Variants in ASCC3 observed in about 807,000 individuals in gnomAD.
ASCC3 encodes the protein activating signal cointegrator 1 complex subunit 3, also known as ASC-1 complex subunit P200.
A neutral mutation model predicts 256.3 loss-of-function variants in ASCC3; 158 were observed. The observed-to-expected ratio is 0.62, with a 90% CI of 0.54 to 0.70. ASCC3 has a LOEUF of 0.70. Ranked by LOEUF, ASCC3 falls within the 30% of genes least tolerant of loss-of-function variation. The pLI, the probability that ASCC3 is intolerant of heterozygous loss-of-function variation, is 0.00. For synonymous variants in ASCC3, 948 were observed against 883.4 expected, an observed-to-expected ratio of 1.07 and a Z score of -1.30; for missense variants, 2,259 against 2,626.0, an observed-to-expected ratio of 0.86 and a Z score of 3.05.
intron 13 of ASCC3, among the ~76,000 whole-genome samples, chr6:100,680,911 C>T (rs239189): frequency 0.56 from 85,599 of 151,928 alleles, 24,331 homozygotes; most frequent in East Asian, 0.73. Flanking sequence ...GTCAGGGAAT[C>T]GATAGGCTCA....
At chr6:100,710,509 A>G (rs1778809969) in intron 13 of ASCC3, among the ~76,000 whole-genome samples, 1 of 152,164 alleles carries the variant, frequency 6.6e-6, no homozygotes, top group Admixed American at 6.5e-5. Context: ...TTCATTTTGA[A>G]AAGTAAGGCA....
intron 13 of ASCC3, among the ~76,000 whole-genome samples, chr6:100,701,778 G>T (rs1247575206): frequency 1.3e-5 from 2 of 152,090 alleles, no homozygotes; most frequent in Non-Finnish European, 2.9e-5. Context: ...AAAAAAAAGG[G>T]TTTCTCTGAG....
chr6:100,638,438 A>G (rs1174256960), intron 25 of ASCC3, among the ~76,000 whole-genome samples, 163 bp downstream of exon 25: 1 of 152,222 alleles, frequency 6.6e-6, no homozygotes, highest in Non-Finnish European at 1.5e-5. Flanking sequence ...AACCAAACTC[A>G]TGATATCTTC....
intron 34 of ASCC3, among the ~76,000 whole-genome samples, chr6:100,593,137 G>T (rs528992298): frequency 6.6e-6 from 1 of 152,086 alleles, no homozygotes; most frequent in South Asian, 2.1e-4. Context: ...AACAGGTGCT[G>T]AGTTGTTTAA....
intron 13 of ASCC3, among the ~76,000 whole-genome samples, chr6:100,690,274 T>C (rs1287694803): frequency 6.6e-6 from 1 of 152,158 alleles, no homozygotes; most frequent in East Asian, 1.9e-4. Flanking sequence ...AAAAAAAGTC[T>C]ACGTGTCCAG....
intron 40 of ASCC3, 97 bp downstream of exon 40, chr6:100,512,612 G>T: frequency 7.9e-7 from 1 of 1,269,970 alleles, no homozygotes; most frequent in Non-Finnish European, 1.2e-6. Context: ...CAGGATTCAT[G>T]AATGACACGG....
At chr6:100,785,782 C>T (rs1426348670) in intron 8 of ASCC3, among the ~76,000 whole-genome samples, 1 of 152,038 alleles carries the variant, frequency 6.6e-6, no homozygotes, top group Non-Finnish European at 1.5e-5. Context: ...ACTTCTCATA[C>T]AGAAAAGTCT....
intron 30 of ASCC3, among the ~76,000 whole-genome samples, chr6:100,624,557 T>C (rs1271330931): frequency 6.6e-6 from 1 of 151,998 alleles, no homozygotes; most frequent in Non-Finnish European, 1.5e-5. Flanking sequence ...AGTACAGTTC[T>C]TTTGGAAAGT....
intron 13 of ASCC3, among the ~76,000 whole-genome samples, chr6:100,689,983 T>G (rs1777766627): frequency 1.3e-5 from 2 of 152,078 alleles, no homozygotes; most frequent in Non-Finnish European, 1.5e-5. Flanking sequence ...ATTCTGGACT[T>G]TAAGGTCAAA....
At chr6:100,840,418 C>CCCAGGCT (rs1772083335) in intron 4 of ASCC3, among the ~76,000 whole-genome samples, 1 of 151,578 alleles carries the variant, frequency 6.6e-6, no homozygotes, top group South Asian at 2.1e-4. Context: ...GCCTCAACCT[C>CCCAGGCT]CCAGGCTCAA....
intron 10 of ASCC3, among the ~76,000 whole-genome samples, chr6:100,754,772 TA>T (rs1781096746): frequency 6.6e-6 from 1 of 152,134 alleles, no homozygotes; most frequent in African/African-American, 2.4e-5. Context: ...AATCCCCATG[TA>T]TTGTGTGAGG....
intron 36 of ASCC3, among the ~76,000 whole-genome samples, chr6:100,548,748 G>A (rs541247666): frequency 1.3e-5 from 2 of 151,996 alleles, no homozygotes; most frequent in South Asian, 4.2e-4. Flanking sequence ...AGGATGAGCA[G>A]ATATTAACTA....
intron 37 of ASCC3, among the ~76,000 whole-genome samples, chr6:100,535,341 A>C (rs911052798): frequency 4.6e-5 from 7 of 151,632 alleles, no homozygotes; most frequent in African/African-American, 1.5e-4. Flanking sequence ...CCAATCAGTC[A>C]TTTTCTCCAA....
chr6:100,690,451 A>G (rs1411596840), intron 13 of ASCC3, among the ~76,000 whole-genome samples: 1 of 152,150 alleles, frequency 6.6e-6, no homozygotes, highest in Non-Finnish European at 1.5e-5. Flanking sequence ...ACACTACTAC[A>G]TTTGGATTAC....
intron 8 of ASCC3, among the ~76,000 whole-genome samples, chr6:100,781,550 A>ATTTT (rs11289263): frequency 7.6e-6 from 1 of 130,876 alleles, no homozygotes; most frequent in Middle Eastern, 3.5e-3. Flanking sequence ...CGCCTGGCTA[A>ATTTT]TTTTTTTTTT....
chr6:100,865,970 ATTT>A (rs1444515471), intron 2 of ASCC3, among the ~76,000 whole-genome samples: 1 of 151,436 alleles, frequency 6.6e-6, no homozygotes, highest in East Asian at 1.9e-4. Context: ...TTATTTATTT[ATTT>A]ATTTATTTAT....
chr6:100,509,596 C>G, intron 41 of ASCC3, 63 bp from the exon 42 acceptor site: 1 of 1,497,206 alleles, frequency 6.7e-7, no homozygotes, highest in Non-Finnish European at 9.2e-7. Context: ...ATATTTAATT[C>G]TTTCAGAACT....
At chr6:100,538,830 A>T (rs574215373) in intron 37 of ASCC3, among the ~76,000 whole-genome samples, 1 of 152,234 alleles carries the variant, frequency 6.6e-6, no homozygotes, top group African/African-American at 2.4e-5. Flanking sequence ...AAAGAACTTA[A>T]ATCTTTTGAA....
chr6:100,681,992 C>G (rs1310819148), intron 13 of ASCC3, among the ~76,000 whole-genome samples: 1 of 151,952 alleles, frequency 6.6e-6, no homozygotes, highest in Non-Finnish European at 1.5e-5. Context: ...ATAGAAAATT[C>G]TGTTATAATA....
Sources: gnomAD v4.1 joint callset for allele counts (sites outside exome capture counted in the v4.1 genomes callset) on GRCh38, gnomAD v4.1.1 for gene constraint, MANE v1.5 for transcripts, NCBI Gene and HGNC (gene_info 2026-07-23, HGNC 2026-07-21) for gene names.